The following MRAP2 variants were observed in gnomAD, a reference collection of about 807,000 sequenced individuals.
MRAP2 encodes the protein melanocortin 2 receptor accessory protein 2, also known as melanocortin-2 receptor accessory protein 2.
Under a neutral mutation model 17.4 loss-of-function variants are expected in MRAP2, and 20 were observed. The observed-to-expected ratio is 1.15, with a 90% CI of 0.81 to 1.67. The LOEUF is 1.67. Among genes scored for constraint, MRAP2 ranks in the 40% most tolerant of loss-of-function variants. The pLI, the probability that MRAP2 is intolerant of heterozygous loss-of-function variation, is 0.00. For missense variants in MRAP2, 238 were observed against 240.0 expected, an observed-to-expected ratio of 0.99 and a Z score of 0.05; for synonymous variants, 96 against 88.4, an observed-to-expected ratio of 1.09 and a Z score of -0.48.
the MRAP2 span, among the ~76,000 whole-genome samples, chr6:84,102,511 A>G: frequency 6.6e-6 from 1 of 152,216 alleles, no homozygotes; most frequent in African/African-American, 2.4e-5. Context: ...GGAAAAGGCA[A>G]GAAAACAGAT....
the MRAP2 span, among the ~76,000 whole-genome samples, chr6:84,122,675 G>A: frequency 1.3e-5 from 2 of 152,048 alleles, no homozygotes; most frequent in African/African-American, 2.4e-5. Context: ...GAAAAAAGAC[G>A]AGAATGTGCA....
At chr6:84,033,986 G>A in intron 1 of MRAP2, 103 bp downstream of exon 1, 2 of 921,424 alleles carry the variant, frequency 2.2e-6, no homozygotes, top group South Asian at 5.0e-5. Flanking sequence ...TGGGTTTGGG[G>A]GCAGTCTTTA....
the MRAP2 span, among the ~76,000 whole-genome samples, chr6:84,135,406 T>C: frequency 3.3e-5 from 5 of 152,152 alleles, no homozygotes; most frequent in Admixed American, 6.5e-5. Context: ...TGGCAGGAGG[T>C]GGCTCAGGTG....
intron 1 of MRAP2, among the ~76,000 whole-genome samples, chr6:84,034,427 C>G (rs1366973706): frequency 2.0e-5 from 3 of 152,060 alleles, no homozygotes; most frequent in Non-Finnish European, 4.4e-5. Flanking sequence ...GCTCGCAGGT[C>G]GTGTTACTGA....
At chr6:84,060,839 C>T (rs1373989644) in intron 2 of MRAP2, among the ~76,000 whole-genome samples, 1 of 150,550 alleles carries the variant, frequency 6.6e-6, no homozygotes, top group African/African-American at 2.5e-5. Flanking sequence ...GCGCCTGCCA[C>T]CACACCCGGC....
the MRAP2 span, among the ~76,000 whole-genome samples, chr6:84,106,194 C>A: frequency 6.6e-6 from 1 of 152,166 alleles, no homozygotes; most frequent in East Asian, 1.9e-4. Context: ...GAACATTAGG[C>A]CACTGACATA....
chr6:84,102,753 C>A, the MRAP2 span, among the ~76,000 whole-genome samples: 1 of 151,700 alleles, frequency 6.6e-6, no homozygotes, highest in Non-Finnish European at 1.5e-5. Context: ...AGGCTGGGAT[C>A]AGAGTGAGGA....
chr6:84,141,114 T>C, the MRAP2 span, among the ~76,000 whole-genome samples: 1 of 151,762 alleles, frequency 6.6e-6, no homozygotes, highest in African/African-American at 2.4e-5. Flanking sequence ...ACTCGCCCCC[T>C]GCTCATCTGC....
In MRAP2 at chr6:84,051,708, G is replaced by A. The variant is rs116274570; in HGVS notation, c.-7-3604G>A. On this transcript the variant is annotated intron_variant, in intron 1 of 3. Coordinates refer to ENST00000257776, the MANE Select transcript of MRAP2 (RefSeq NM_138409.4). ...ATCGCATTCCTACCTGGGCAATAGA[G>A]TAAGACCTTGTCTCAAAAAAAGGGG... Among the ~76,000 whole-genome samples, 463 of 152,296 alleles carry A rather than the reference G, an allele frequency of 3.0e-3. 3 individuals are homozygous for A. Among genetic ancestry groups the A allele is most frequent in the African/African-American group, 0.011 (448 of 41,568 alleles).
At chr6:84,038,160 C>G (rs569336909) in intron 1 of MRAP2, among the ~76,000 whole-genome samples, 1 of 152,206 alleles carries the variant, frequency 6.6e-6, no homozygotes, top group Admixed American at 6.5e-5. Context: ...AAGGGCTGGC[C>G]TAAGGGCGAG....
the MRAP2 span, among the ~76,000 whole-genome samples, chr6:84,120,207 G>C: frequency 6.6e-6 from 1 of 152,152 alleles, no homozygotes; most frequent in Admixed American, 6.5e-5. Flanking sequence ...CTGCCTTTTT[G>C]TTCTATATAG....
At chr6:84,075,873 C>CT (rs1424145241) in intron 3 of MRAP2, among the ~76,000 whole-genome samples, 4 of 152,112 alleles carry the variant, frequency 2.6e-5, no homozygotes, top group Non-Finnish European at 5.9e-5. Flanking sequence ...GAAGTAAAGA[C>CT]TAACAACAGG....
intron 2 of MRAP2, among the ~76,000 whole-genome samples, chr6:84,060,549 G>A (rs1448198224): frequency 6.6e-6 from 1 of 152,176 alleles, no homozygotes; most frequent in Non-Finnish European, 1.5e-5. Context: ...TGCTATGCAG[G>A]CAGTTGATAA....
At chr6:84,114,033 G>C in the MRAP2 span, among the ~76,000 whole-genome samples, 1 of 152,072 alleles carries the variant, frequency 6.6e-6, no homozygotes, top group South Asian at 2.1e-4. Flanking sequence ...TTTCAACCTT[G>C]TTGAATCTGA....
intron 1 of MRAP2, among the ~76,000 whole-genome samples, chr6:84,050,349 A>G (rs914154718): frequency 2.0e-5 from 3 of 152,124 alleles, no homozygotes; most frequent in Admixed American, 1.3e-4. Context: ...GGCAGCTTTG[A>G]GAGGGTCAAG....
At chr6:84,063,707 A>G (rs2099493757) in intron 3 of MRAP2, among the ~76,000 whole-genome samples, 1 of 152,236 alleles carries the variant, frequency 6.6e-6, no homozygotes, top group South Asian at 2.1e-4. Flanking sequence ...GGGAAAATAG[A>G]GAATATTGAA....
At chr6:84,108,130 G>A in the MRAP2 span, among the ~76,000 whole-genome samples, 735 of 152,192 alleles carry the variant, frequency 4.8e-3, 6 homozygotes, top group Middle Eastern at 6.8e-3. Flanking sequence ...ATGACAGGTT[G>A]GCTAAATATA....
intron 1 of MRAP2, among the ~76,000 whole-genome samples, chr6:84,042,653 C>T (rs2099487886): frequency 6.6e-6 from 1 of 152,150 alleles, no homozygotes; most frequent in African/African-American, 2.4e-5. Flanking sequence ...CAGGCCCCTC[C>T]CTGAAAGATG....
chr6:84,094,329 A>G (rs1001191335), downstream of MRAP2, among the ~76,000 whole-genome samples: 1 of 152,142 alleles, frequency 6.6e-6, no homozygotes, highest in Non-Finnish European at 1.5e-5. Flanking sequence ...TGTTTTTGCA[A>G]TATAATTGGC....
Sources: allele counts gnomAD v4.1 joint callset (sites outside exome capture counted in the v4.1 genomes callset), GRCh38; gene constraint gnomAD v4.1.1; transcripts MANE v1.5; gene names NCBI Gene and HGNC (gene_info 2026-07-23, HGNC 2026-07-21).